Variants in ARL6IP6 observed in about 807,000 individuals in gnomAD.
ARL6IP6 encodes ARF like GTPase 6 interacting protein 6, also known as ADP-ribosylation factor-like protein 6-interacting protein 6.
Under a neutral mutation model 21.5 loss-of-function variants are expected in ARL6IP6, and 22 were observed. That is an observed-to-expected ratio of 1.02 (90% CI 0.73 to 1.46). The LOEUF is 1.46. Among genes scored for constraint, ARL6IP6 ranks in the 40% most tolerant of loss-of-function variants. The pLI is 0.00. For missense variants in ARL6IP6, 388 were observed against 299.8 expected (o/e 1.29, Z -2.17); for synonymous variants, 164 against 125.3 (o/e 1.31, Z -2.06).
intron 1 of ARL6IP6, chr2:152,719,750 G>GAAAAAAAAAA (rs11328553): frequency 8.2e-5 from 21 of 255,164 alleles, no homozygotes; most frequent in Admixed American, 2.3e-4. Context: ...CCAAGTTACT[G>GAAAAAAAAAA]AAAAAAAAAA....
At chr2:152,717,695 A>G (rs936603174), upstream of ARL6IP6, 17 of 1,396,108 alleles carry the variant, frequency 1.2e-5, no homozygotes, top group Non-Finnish European at 1.4e-5. Flanking sequence ...GGAAAACTCT[A>G]CCAACTTCCC....
chr2:152,726,921 A>G (rs1389668641), intron 2 of ARL6IP6, among the ~76,000 whole-genome samples: 1 of 152,218 alleles, frequency 6.6e-6, no homozygotes, highest in African/African-American at 2.4e-5. Flanking sequence ...AAAAAAAAAT[A>G]CAGCACAATT....
chr2:152,756,344 T>C (rs1362381947), intron 3 of ARL6IP6, among the ~76,000 whole-genome samples: 1 of 152,150 alleles, frequency 6.6e-6, no homozygotes, highest in Non-Finnish European at 1.5e-5. Flanking sequence ...GAATTACAGA[T>C]TTAAATATCA....
upstream of ARL6IP6, chr2:152,718,473 T>G: frequency 2.6e-6 from 3 of 1,156,308 alleles, no homozygotes; most frequent in Non-Finnish European, 3.5e-6. Context: ...CGGCTTCCTT[T>G]GCAACCCGCC....
chr2:152,747,078 G>GC (rs1701092046), intron 3 of ARL6IP6, among the ~76,000 whole-genome samples: 3 of 151,698 alleles, frequency 2.0e-5, no homozygotes, highest in Admixed American at 2.0e-4. Flanking sequence ...AATCCTCCTG[G>GC]CCTAGTCTCC....
At chr2:152,739,467 A>G (rs73020881) in intron 3 of ARL6IP6, among the ~76,000 whole-genome samples, 6,334 of 152,286 alleles carry the variant, frequency 0.042, 280 homozygotes, top group African/African-American at 0.11. Flanking sequence ...TTGCTGCTCC[A>G]GTTCCCAATA....
Position 152,761,239 on chromosome 2 carries a change from AT to A in ARL6IP6, c.*1401del, listed in dbSNP as rs1701830910. ...AATGACTAATACTGCTCCAATTTAA[AT>A]TATCTGAAATGTGTGTGTGTGTGTG... On this transcript the variant is annotated 3_prime_UTR_variant, in exon 4 of 4. Coordinates refer to ENST00000326446, the MANE Select transcript of ARL6IP6 (RefSeq NM_152522.7). 6.6e-6 allele frequency: 1 copy of A among 151,008 alleles called. No homozygotes were observed. Among genetic ancestry groups the A allele is most frequent in the Non-Finnish European group, 1.5e-5 (1 of 67,620 alleles). 9.4% of individuals were successfully genotyped at this position (151,008 alleles called of 1,614,324 possible).
chr2:152,732,449 AT>A, intron 2 of ARL6IP6: 1 of 391,168 alleles, frequency 2.6e-6, no homozygotes, highest in South Asian at 2.0e-5. Context: ...ATGTTTTAAC[AT>A]TTGTAGTTTT....
chr2:152,727,833 C>T (rs921959724), intron 2 of ARL6IP6, among the ~76,000 whole-genome samples: 4 of 152,132 alleles, frequency 2.6e-5, no homozygotes, highest in Admixed American at 6.5e-5. Context: ...CAAACAACAA[C>T]GAAATCACCT....
At chr2:152,750,729 T>C (rs1384857119) in intron 3 of ARL6IP6, among the ~76,000 whole-genome samples, 1 of 152,226 alleles carries the variant, frequency 6.6e-6, no homozygotes, top group East Asian at 1.9e-4. Context: ...AACTTAACCT[T>C]GTTAATAATA....
intron 3 of ARL6IP6, among the ~76,000 whole-genome samples, chr2:152,753,630 A>C (rs1701439315): frequency 6.6e-6 from 1 of 151,476 alleles, no homozygotes; most frequent in African/African-American, 2.4e-5. Context: ...AAAAAAAAAA[A>C]GAAATTGACA....
intron 3 of ARL6IP6, among the ~76,000 whole-genome samples, chr2:152,747,031 A>G (rs531243762): frequency 6.6e-6 from 1 of 151,726 alleles, no homozygotes; most frequent in South Asian, 2.1e-4. Flanking sequence ...GGTCTCACTA[A>G]GTTGCCCAGG....
intron 2 of ARL6IP6, chr2:152,732,706 A>T: frequency 3.6e-6 from 1 of 274,798 alleles, no homozygotes; most frequent in Non-Finnish European, 7.2e-6. Context: ...TGGTTCCAGG[A>T]CCCCCTCTGG....
At position 152,762,017 on chromosome 2, in the gene ARL6IP6, C is replaced by T. The variant is rs1326616645; in HGVS notation, c.*2177C>T. On this transcript the variant is annotated 3_prime_UTR_variant, in exon 4 of 4. Transcript: ENST00000326446. ...TACTCCCCTTTTTTGGGAAATGACC[C>T]TCCTCTCTCCAGTCTGACACAGGGT... Among the ~76,000 whole-genome samples, 1 of 152,082 alleles carries T rather than the reference C, an allele frequency of 6.6e-6. No homozygotes were observed. The highest frequency in any genetic ancestry group is 6.5e-5 in the Admixed American group (1 of 15,268).
chr2:152,722,797 A>C (rs1030885720), intron 2 of ARL6IP6, among the ~76,000 whole-genome samples: 8 of 152,122 alleles, frequency 5.3e-5, no homozygotes, highest in Non-Finnish European at 1.0e-4. Flanking sequence ...AATCCCACCT[A>C]CTCGGGAGGC....
At chr2:152,727,459 A>C (rs928834242) in intron 2 of ARL6IP6, among the ~76,000 whole-genome samples, 1 of 152,200 alleles carries the variant, frequency 6.6e-6, no homozygotes, top group Non-Finnish European at 1.5e-5. Context: ...CTAAGTGTAC[A>C]GTGTTTATAA....
upstream of ARL6IP6, chr2:152,717,709 G>T: frequency 7.2e-7 from 1 of 1,379,798 alleles, no homozygotes; most frequent in Admixed American, 3.0e-5. Flanking sequence ...ACTTCCCCAG[G>T]GGAAGGGAAG....
intron 2 of ARL6IP6, among the ~76,000 whole-genome samples, chr2:152,730,644 C>A (rs1328903163): frequency 6.6e-6 from 1 of 152,028 alleles, no homozygotes; most frequent in Admixed American, 6.6e-5. Context: ...GATACTGTGC[C>A]AGGATATTGG....
intron 3 of ARL6IP6, among the ~76,000 whole-genome samples, chr2:152,742,247 T>A (rs193058841): frequency 6.6e-6 from 1 of 152,302 alleles, no homozygotes; most frequent in East Asian, 1.9e-4. Flanking sequence ...GGAAAAATAC[T>A]GCATGCAAAG....
Sources: gnomAD v4.1 joint callset for allele counts (sites outside exome capture counted in the v4.1 genomes callset) on GRCh38, gnomAD v4.1.1 for gene constraint, MANE v1.5 for transcripts, NCBI Gene and HGNC (gene_info 2026-07-23, HGNC 2026-07-21) for gene names.